The following ZDHHC15 variants were observed in gnomAD, a reference collection of about 807,000 sequenced individuals.
ZDHHC15 encodes the protein zDHHC palmitoyltransferase 15.
ZDHHC15 carries 19 observed loss-of-function variants against 31.7 expected under a neutral mutation model. That is an observed-to-expected ratio of 0.60 (90% CI 0.42 to 0.88). The LOEUF (loss-of-function observed/expected upper bound fraction) is 0.88, where lower values mean the gene tolerates loss of function less well. Ranked by LOEUF, ZDHHC15 falls within the 40% of genes least tolerant of loss-of-function variation. The pLI, the probability that ZDHHC15 is intolerant of heterozygous loss-of-function variation, is 0.00. For synonymous variants in ZDHHC15, 103 were observed against 90.0 expected, an observed-to-expected ratio of 1.14 and a Z score of -0.82; for missense variants, 209 against 251.2, an observed-to-expected ratio of 0.83 and a Z score of 1.14.
At chrX:75,465,689 C>A (rs377298010) in intron 3 of ZDHHC15, among the ~76,000 whole-genome samples, 9 of 111,378 alleles carry the variant, frequency 8.1e-5, no homozygotes, top group East Asian at 2.8e-4. Flanking sequence ...CAAAAACTAG[C>A]AATGGGGAAA....
At chrX:75,430,881 C>T (rs1470992650) in intron 5 of ZDHHC15, among the ~76,000 whole-genome samples, 2 of 111,348 alleles carry the variant, frequency 1.8e-5, no homozygotes, top group Admixed American at 9.6e-5. Flanking sequence ...AAACAAATCT[C>T]AATCAAGGGA....
intron 1 of ZDHHC15, among the ~76,000 whole-genome samples, chrX:75,520,439 TAATC>T (rs905232725): frequency 2.7e-5 from 3 of 111,943 alleles, no homozygotes; most frequent in Non-Finnish European, 5.6e-5. Context: ...AATATATAGT[TAATC>T]TATCTACAGA....
chrX:75,498,011 G>A lies in ZDHHC15; in HGVS notation c.163+7810C>T, dbSNP rs182175287. ...TGCAATGGCGTGATCTCAGCTCACC[G>A]CAACCTCCACCTCCTGGGTTCAAGC... is the stretch of plus-strand genomic sequence containing the variant. On this transcript the variant is annotated intron_variant, in intron 2 of 11. Coordinates refer to ENST00000373367, the MANE Select transcript of ZDHHC15 (RefSeq NM_144969.3). 3.4e-3 allele frequency among the ~76,000 whole-genome samples: 357 copies of A among 104,865 alleles called. 4 individuals are homozygous for A. Among genetic ancestry groups the A allele is most frequent in the African/African-American group, 0.012 (328 of 28,434 alleles). 91.1% of individuals were successfully genotyped at this position (104,865 alleles called of 115,157 possible). A position where few individuals can be genotyped will look rare whatever the true frequency, so the allele number is the denominator to read the frequency against.
chrX:75,379,096 A>T (rs1291447540), intron 11 of ZDHHC15, 24 bp downstream of exon 11: 1 of 1,170,034 alleles, frequency 8.5e-7, no homozygotes, highest in African/African-American at 1.8e-5. Context: ...GTGCCACTGT[A>T]TGTGTCTCCC....
intron 2 of ZDHHC15, chrX:75,502,068 A>G (rs1398863744): frequency 8.9e-6 from 1 of 112,167 alleles, no homozygotes; most frequent in East Asian, 2.8e-4. Context: ...TAGGGCTGCC[A>G]TAATAAAGTA....
chrX:75,449,140 C>T (rs762508847), intron 4 of ZDHHC15, among the ~76,000 whole-genome samples: 1 of 105,694 alleles, frequency 9.5e-6, no homozygotes, highest in Non-Finnish European at 1.9e-5. Context: ...GATGGCAGAC[C>T]GTGGGACTTC....
intron 2 of ZDHHC15, among the ~76,000 whole-genome samples, chrX:75,497,933 C>CCT (rs137952564): frequency 1.1e-5 from 1 of 87,844 alleles, no homozygotes; most frequent in African/African-American, 4.2e-5. Flanking sequence ...AGGATGCCCA[C>CCT]TTTTTTTTTT....
intron 3 of ZDHHC15, among the ~76,000 whole-genome samples, chrX:75,465,922 T>C (rs2084397008): frequency 9.0e-6 from 1 of 111,198 alleles, no homozygotes; most frequent in Non-Finnish European, 1.9e-5. Flanking sequence ...CCAAAAGCAA[T>C]TGCATCAAAA....
chrX:75,444,805 A>T (rs1354278141), intron 4 of ZDHHC15, among the ~76,000 whole-genome samples: 3 of 104,067 alleles, frequency 2.9e-5, no homozygotes, highest in African/African-American at 7.1e-5. Context: ...TATCCGTTAT[A>T]AAAAAAAATT....
intron 4 of ZDHHC15, among the ~76,000 whole-genome samples, chrX:75,444,587 T>G: frequency 1.0e-5 from 1 of 96,159 alleles, no homozygotes; most frequent in Non-Finnish European, 2.0e-5. Flanking sequence ...CTGCACGTTA[T>G]GCACATGTAC....
At chrX:75,497,113 A>G (rs2085013285) in intron 2 of ZDHHC15, among the ~76,000 whole-genome samples, 1 of 112,205 alleles carries the variant, frequency 8.9e-6, no homozygotes, top group Non-Finnish European at 1.9e-5. Context: ...ATAAAAAGAG[A>G]GAAGTACAAA....
chrX:75,486,879 C>T (rs1421980079), intron 2 of ZDHHC15, among the ~76,000 whole-genome samples: 1 of 111,326 alleles, frequency 9.0e-6, no homozygotes, highest in East Asian at 2.8e-4. Flanking sequence ...CTAACCTTGC[C>T]CCCACATGCT....
intron 10 of ZDHHC15, among the ~76,000 whole-genome samples, chrX:75,380,621 G>A (rs1189933641): frequency 1.8e-5 from 2 of 110,943 alleles, no homozygotes; most frequent in African/African-American, 6.6e-5. Flanking sequence ...AGGTTGCAAA[G>A]GTAGCTCACC....
chrX:75,494,885 T>G (rs1425342653), intron 2 of ZDHHC15, among the ~76,000 whole-genome samples: 1 of 112,031 alleles, frequency 8.9e-6, no homozygotes, highest in East Asian at 2.8e-4. Context: ...AAGGACTTCA[T>G]GTCTAAAACA....
Position 75,387,732 on chromosome X carries a change from G to A in ZDHHC15, c.968-8534C>T, listed in dbSNP as rs752368380. Among the ~76,000 whole-genome samples the A allele has an allele frequency of 9.8e-5, 11 of 111,795 alleles. No homozygotes were observed. In the South Asian group the frequency reaches 1.1e-3, roughly 11 times the overall value. ...GGAGTTGAGCAAGAGCAAGGGGATC[G>A]AAAGCATAATTCAATAAATAATAAC... On this transcript the variant is annotated intron_variant, in intron 10 of 11. Coordinates refer to ENST00000373367, the MANE Select transcript of ZDHHC15 (RefSeq NM_144969.3).
chrX:75,459,256 T>C (rs1472510439), intron 3 of ZDHHC15, among the ~76,000 whole-genome samples: 1 of 111,025 alleles, frequency 9.0e-6, no homozygotes, highest in Non-Finnish European at 1.9e-5. Context: ...GAGATCCATT[T>C]GTACATACAC....
At chrX:75,425,577 A>G (rs375637719) in intron 7 of ZDHHC15, among the ~76,000 whole-genome samples, 1 of 112,571 alleles carries the variant, frequency 8.9e-6, no homozygotes, top group East Asian at 2.8e-4. Flanking sequence ...AGAGAATCTT[A>G]GAAAACATTT....
chrX:75,514,652 A>C (rs1047355369), intron 1 of ZDHHC15, among the ~76,000 whole-genome samples: 1 of 111,508 alleles, frequency 9.0e-6, no homozygotes, highest in African/African-American at 3.3e-5. Context: ...GGAAACTATG[A>C]CAGATTGCAC....
At chrX:75,416,014 C>G (rs2083544319) in intron 10 of ZDHHC15, among the ~76,000 whole-genome samples, 1 of 112,324 alleles carries the variant, frequency 8.9e-6, no homozygotes, top group African/African-American at 3.2e-5. Flanking sequence ...TTCAGAAAGA[C>G]TGAAGACTGA....
Sources: allele counts gnomAD v4.1 joint callset (sites outside exome capture counted in the v4.1 genomes callset), GRCh38; gene constraint gnomAD v4.1.1; transcripts MANE v1.5; gene names NCBI Gene and HGNC (gene_info 2026-07-23, HGNC 2026-07-21).